Variants in RUNX2 observed in about 807,000 individuals in gnomAD.
RUNX2 encodes the protein runt-related transcription factor 2.
In RUNX2, 10 loss-of-function variants were observed where a neutral mutation model predicts 51.7. That is an observed-to-expected ratio of 0.19 (90% confidence interval 0.12 to 0.33). The LOEUF (loss-of-function observed/expected upper bound fraction) is 0.33. RUNX2 is among the 10% of genes least tolerant of loss of function. The pLI is 1.00. For synonymous variants in RUNX2, 276 were observed against 273.6 expected, an observed-to-expected ratio of 1.01 and a Z score of -0.09; for missense variants, 562 against 691.3, an observed-to-expected ratio of 0.81 and a Z score of 2.10.
At chr6:45,444,137 A>G (rs151155277) in intron 5 of RUNX2, among the ~76,000 whole-genome samples, 242 of 152,372 alleles carry the variant, frequency 1.6e-3, no homozygotes, top group African/African-American at 5.4e-3. Context: ...GGCGTGAGCC[A>G]CTGCGCCTGG....
intron 2 of RUNX2, among the ~76,000 whole-genome samples, chr6:45,399,043 T>C (rs1046455808): frequency 2.6e-5 from 4 of 152,122 alleles, no homozygotes; most frequent in African/African-American, 9.7e-5. Flanking sequence ...AAAAAATCAT[T>C]GAGCTACCTG....
Position 45,475,343 on chromosome 6 carries a change from A to T in RUNX2, c.686-16598A>T, listed in dbSNP as rs142130189. On this transcript the variant is annotated intron_variant, in intron 5 of 8. Transcript: ENST00000647337. ...GTTTGAGCTGAATCTTGAAGATTAG[A>T]AATTAGACTTATTGGCAGAAATTCT... Among the ~76,000 whole-genome samples the T allele has an allele frequency of 2.2e-4, 33 of 152,254 alleles. No individual in the cohort carries two copies. The East Asian group carries it at 3.7e-3, about 17-fold the overall frequency.
At chr6:45,397,340 A>G (rs1797605683) in intron 2 of RUNX2, among the ~76,000 whole-genome samples, 1 of 151,570 alleles carries the variant, frequency 6.6e-6, no homozygotes, top group Admixed American at 6.6e-5. Context: ...CGATCTCGTG[A>G]CCTTGTGATC....
chr6:45,434,943 A>T (rs557544115), intron 4 of RUNX2, among the ~76,000 whole-genome samples: 65 of 152,344 alleles, frequency 4.3e-4, no homozygotes, highest in African/African-American at 1.4e-3. Flanking sequence ...TGAAGAACCA[A>T]TTACTAAATT....
intron 5 of RUNX2, among the ~76,000 whole-genome samples, chr6:45,476,818 T>C (rs1476762778): frequency 1.3e-5 from 2 of 152,220 alleles, no homozygotes; most frequent in Non-Finnish European, 2.9e-5. Context: ...ATTTTTCCCT[T>C]CTAAATCTAT....
chr6:45,422,470 A>G (rs1227120654), intron 2 of RUNX2, 123 bp from the exon 3 acceptor site: 12 of 689,442 alleles, frequency 1.7e-5, no homozygotes, highest in African/African-American at 5.8e-5. Context: ...CATCACCTCC[A>G]TCCTCTTTCC....
At chr6:45,410,078 T>A (rs1341336284) in intron 2 of RUNX2, among the ~76,000 whole-genome samples, 1 of 152,262 alleles carries the variant, frequency 6.6e-6, no homozygotes, top group East Asian at 1.9e-4. Context: ...TTAAACTCTA[T>A]ACTCATAGTT....
At chr6:45,506,558 T>C (rs1427769453) in intron 6 of RUNX2, among the ~76,000 whole-genome samples, 2 of 152,168 alleles carry the variant, frequency 1.3e-5, no homozygotes, top group Admixed American at 6.5e-5. Flanking sequence ...AATATAGTAA[T>C]TAAAATAATA....
chr6:45,483,826 G>C (rs1456559656), intron 5 of RUNX2, among the ~76,000 whole-genome samples: 2 of 152,200 alleles, frequency 1.3e-5, no homozygotes, highest in Non-Finnish European at 2.9e-5. Flanking sequence ...TTGAGCAAAG[G>C]CACAGGGTGT....
At chr6:45,527,857 A>G (rs1021129683) in intron 7 of RUNX2, among the ~76,000 whole-genome samples, 2 of 152,154 alleles carry the variant, frequency 1.3e-5, no homozygotes, top group African/African-American at 4.8e-5. Context: ...TGATGAGATG[A>G]ATTTTGGGGA....
chr6:45,534,183 C>G (rs991250264), intron 7 of RUNX2, among the ~76,000 whole-genome samples: 1 of 152,020 alleles, frequency 6.6e-6, no homozygotes, highest in Non-Finnish European at 1.5e-5. Flanking sequence ...ACCTGAGCCA[C>G]CACGCCCAGA....
At chr6:45,373,378 C>G (rs1191215397) in intron 2 of RUNX2, among the ~76,000 whole-genome samples, 1 of 152,104 alleles carries the variant, frequency 6.6e-6, no homozygotes, top group Non-Finnish European at 1.5e-5. Context: ...ATTAGTATAA[C>G]CTATTAGGTG....
intron 2 of RUNX2, among the ~76,000 whole-genome samples, chr6:45,382,735 C>T (rs1411135274): frequency 2.6e-5 from 4 of 152,176 alleles, no homozygotes; most frequent in Non-Finnish European, 5.9e-5. Context: ...AGAAGATTGA[C>T]ATCGTAAGAT....
rs548507962 is a variant in RUNX2 at position 45,471,424 on chromosome 6, C to CA, written c.686-20517_686-20516insA. On this transcript the variant is annotated intron_variant, in intron 5 of 8. Coordinates refer to ENST00000647337, the MANE Select transcript of RUNX2 (RefSeq NM_001024630.4). The stretch of plus-strand genomic sequence containing the variant: ...GAACTCAAGTGGTACCTACATCCCT[C>CA]GCCCCAGACATTTTCTTTCTTTCTT... 6.2e-3 allele frequency among the ~76,000 whole-genome samples: 946 copies of CA among 151,558 alleles called. 8 individuals carry two copies. The highest frequency in any genetic ancestry group is 0.021 in the African/African-American group (884 of 41,336).
chr6:45,378,106 A>C (rs919411085), intron 2 of RUNX2, among the ~76,000 whole-genome samples: 1 of 151,986 alleles, frequency 6.6e-6, no homozygotes, highest in East Asian at 1.9e-4. Context: ...TACTTCCGCC[A>C]CGCTCGCCGG....
At chr6:45,371,410 T>C (rs897976842) in intron 2 of RUNX2, among the ~76,000 whole-genome samples, 15 of 151,290 alleles carry the variant, frequency 9.9e-5, no homozygotes, top group Admixed American at 2.6e-4. Context: ...TTTTTTTTTT[T>C]CACAATTACC....
intron 3 of RUNX2, among the ~76,000 whole-genome samples, chr6:45,429,087 T>C (rs1452023932): frequency 2.6e-5 from 4 of 152,224 alleles, no homozygotes; most frequent in African/African-American, 9.6e-5. Flanking sequence ...TCTATACTTA[T>C]ATAGTATCTT....
intron 4 of RUNX2, among the ~76,000 whole-genome samples, chr6:45,435,790 G>T (rs1036599052): frequency 6.6e-6 from 1 of 152,216 alleles, no homozygotes; most frequent in African/African-American, 2.4e-5. Context: ...CTGTTAGAAA[G>T]GCAATCCTGG....
chr6:45,359,246 A>C (rs1390812134), intron 2 of RUNX2, among the ~76,000 whole-genome samples: 2 of 152,230 alleles, frequency 1.3e-5, no homozygotes, highest in Admixed American at 1.3e-4. Flanking sequence ...TAGAAACTTA[A>C]ACATTTCCTA....
Sources: allele counts gnomAD v4.1 joint callset (sites outside exome capture counted in the v4.1 genomes callset), GRCh38; gene constraint gnomAD v4.1.1; transcripts MANE v1.5; gene names NCBI Gene and HGNC (gene_info 2026-07-23, HGNC 2026-07-21).